The following LIMA1 variants were observed in gnomAD, a reference collection of about 807,000 sequenced individuals.
LIMA1 encodes LIM domain and actin-binding protein 1.
A neutral mutation model predicts 62.6 loss-of-function variants in LIMA1; 52 were observed. The observed-to-expected ratio is 0.83, with a 90% CI of 0.67 to 1.05. The LOEUF (loss-of-function observed/expected upper bound fraction) is 1.05. LIMA1 is among the 50% of genes least tolerant of loss of function. The probability of loss-of-function intolerance (pLI) is 0.00; values close to 1 mark genes in which losing one functional copy is unlikely to be tolerated. For synonymous variants in LIMA1, 302 were observed against 317.8 expected (o/e 0.95, Z 0.53); for missense variants, 780 against 902.2 (o/e 0.86, Z 1.74).
intron 4 of LIMA1, among the ~76,000 whole-genome samples, chr12:50,211,657 A>G (rs149978812): frequency 1.9e-3 from 295 of 152,224 alleles, no homozygotes; most frequent in African/African-American, 6.7e-3. Context: ...AAGCAAGCAA[A>G]CAAACAAACA....
chr12:50,265,308 G>A (rs1469662612), intron 1 of LIMA1, among the ~76,000 whole-genome samples: 1 of 151,978 alleles, frequency 6.6e-6, no homozygotes, highest in African/African-American at 2.4e-5. Flanking sequence ...ATCACCTGAG[G>A]TCAGGAGTTC....
At chr12:50,226,872 G>T in intron 3 of LIMA1, among the ~76,000 whole-genome samples, 2 of 147,710 alleles carry the variant, frequency 1.4e-5, no homozygotes, top group African/African-American at 2.5e-5. Context: ...TCATTTATCT[G>T]GCCACTACTC....
At chr12:50,254,240 A>G (rs1006992656) in intron 1 of LIMA1, among the ~76,000 whole-genome samples, 3 of 152,100 alleles carry the variant, frequency 2.0e-5, no homozygotes, top group Admixed American at 6.6e-5. Flanking sequence ...AAAAATAAAC[A>G]CAGATTTTTA....
Position 50,200,760 on chromosome 12 carries a change from C to T in LIMA1, c.972+17G>A. ...ACATGCTTCCTTGGCAACTGGACAT[C>T]AGACTTTTCAACCTACCTTTTCCCC... On this transcript the variant is annotated intron_variant, in intron 7 of 10. Transcript: ENST00000341247. 6.2e-7 allele frequency: 1 copy of T among 1,613,624 alleles called. No individual in the cohort carries two copies. Among genetic ancestry groups the T allele is most frequent in the Non-Finnish European group, 8.5e-7 (1 of 1,179,624 alleles).
intron 9 of LIMA1, chr12:50,187,143 C>T (rs1290848286): frequency 6.6e-6 from 1 of 152,194 alleles, no homozygotes; most frequent in South Asian, 2.1e-4. Flanking sequence ...TGATTACCAT[C>T]TACTTAAAGC....
intron 2 of LIMA1, 67 bp from the exon 3 acceptor site, chr12:50,231,777 C>CT (rs1475275747): frequency 1.3e-6 from 2 of 1,500,952 alleles, no homozygotes; most frequent in Non-Finnish European, 9.2e-7. Flanking sequence ...AATTTTTTAT[C>CT]TTTTTTTGAG....
intron 1 of LIMA1, among the ~76,000 whole-genome samples, chr12:50,269,617 C>A (rs527960911): frequency 6.6e-6 from 1 of 152,132 alleles, no homozygotes; most frequent in Non-Finnish European, 1.5e-5. Context: ...AAAGTTATCT[C>A]TCTTAAGGAT....
At chr12:50,196,543 G>T (rs1940934408) in intron 7 of LIMA1, among the ~76,000 whole-genome samples, 1 of 152,138 alleles carries the variant, frequency 6.6e-6, no homozygotes, top group African/African-American at 2.4e-5. Flanking sequence ...TTAAATAAAA[G>T]AACTCTCTAT....
chr12:50,181,858 C>A, intron 10 of LIMA1, 46 bp downstream of exon 10: 1 of 1,609,334 alleles, frequency 6.2e-7, no homozygotes, highest in Non-Finnish European at 8.5e-7. Context: ...AAGACTCCCT[C>A]TAGAGTTCCA....
Position 50,184,652 on chromosome 12 carries a change from C to A in LIMA1, c.1141-2615G>T, listed in dbSNP as rs1322975648. The stretch of plus-strand genomic sequence containing the variant: ...GCAAGACTCTGTCTCAAAACAACAA[C>A]AACAAAAGGAGAGATATTAAAAAGC... On this transcript the variant is annotated intron_variant, in intron 9 of 10. Coordinates refer to ENST00000341247, the MANE Select transcript of LIMA1 (RefSeq NM_016357.5). 3.3e-5 allele frequency among the ~76,000 whole-genome samples: 5 copies of A among 151,976 alleles called. No homozygotes were observed. The East Asian group carries it at 5.8e-4, about 18-fold the overall frequency.
At chr12:50,282,326 A>G (rs1942349887) in intron 1 of LIMA1, among the ~76,000 whole-genome samples, 1 of 152,202 alleles carries the variant, frequency 6.6e-6, no homozygotes, top group Non-Finnish European at 1.5e-5. Flanking sequence ...AACCAAGCAG[A>G]TAAAAGGTAC....
At chr12:50,185,044 C>A (rs2138397071) in intron 9 of LIMA1, among the ~76,000 whole-genome samples, 1 of 152,276 alleles carries the variant, frequency 6.6e-6, no homozygotes, top group South Asian at 2.1e-4. Context: ...GTTGGTCAGG[C>A]TGGTTTCTAA....
At chr12:50,261,006 G>C (rs1942060437) in intron 1 of LIMA1, among the ~76,000 whole-genome samples, 1 of 99,176 alleles carries the variant, frequency 1.0e-5, no homozygotes, top group Admixed American at 1.2e-4. Context: ...CCCTCTCCCT[G>C]CTTTTTTTGT....
intron 1 of LIMA1, among the ~76,000 whole-genome samples, chr12:50,281,460 C>T (rs1942338612): frequency 2.0e-5 from 3 of 152,246 alleles, no homozygotes; most frequent in Non-Finnish European, 4.4e-5. Flanking sequence ...GAAATTTAGC[C>T]CCACCTTTAA....
chr12:50,263,826 TAGAG>T (rs140497543), intron 1 of LIMA1, among the ~76,000 whole-genome samples: 11 of 121,994 alleles, frequency 9.0e-5, no homozygotes, highest in South Asian at 3.0e-4. Flanking sequence ...TATATATATA[TAGAG>T]AGAGTATATA....
intron 1 of LIMA1, among the ~76,000 whole-genome samples, chr12:50,277,180 G>A (rs1162331405): frequency 9.9e-5 from 15 of 152,008 alleles, no homozygotes; most frequent in Non-Finnish European, 8.8e-5. Context: ...GTCAGTCTAT[G>A]GGAGTGCCTA....
chr12:50,240,643 C>T (rs940264633), intron 2 of LIMA1, among the ~76,000 whole-genome samples: 3 of 151,972 alleles, frequency 2.0e-5, no homozygotes, highest in Non-Finnish European at 4.4e-5. Flanking sequence ...AATTTGGAAA[C>T]GGGGAAGATC....
chr12:50,181,792 C>G (rs1940507595), intron 10 of LIMA1, 112 bp downstream of exon 10: 4 of 1,135,842 alleles, frequency 3.5e-6, no homozygotes, highest in Non-Finnish European at 5.1e-6. Flanking sequence ...TATTCAAGAG[C>G]CTTCAACAGA....
chr12:50,252,534 T>C (rs1307202752), intron 1 of LIMA1, among the ~76,000 whole-genome samples: 1 of 147,256 alleles, frequency 6.8e-6, no homozygotes, highest in Admixed American at 6.9e-5. Flanking sequence ...TGAGCCGAGA[T>C]TGCACCACTG....
Sources: gnomAD v4.1 joint callset for allele counts (sites outside exome capture counted in the v4.1 genomes callset) on GRCh38, gnomAD v4.1.1 for gene constraint, MANE v1.5 for transcripts, NCBI Gene and HGNC (gene_info 2026-07-23, HGNC 2026-07-21) for gene names.